Variants in MEF2C observed in about 807,000 individuals in gnomAD.
MEF2C encodes the protein myocyte enhancer factor 2C.
Under a neutral mutation model 50.5 loss-of-function variants are expected in MEF2C, and 6 were observed. The ratio of observed to expected loss-of-function variants is 0.12; its 90% CI spans 0.07 to 0.23. The LOEUF (loss-of-function observed/expected upper bound fraction) is 0.23, where lower values mean the gene tolerates loss of function less well. Ranked by LOEUF, MEF2C falls within the 10% of genes least tolerant of loss-of-function variation. The pLI is 1.00. For synonymous variants in MEF2C, 183 were observed against 228.0 expected (o/e 0.80, Z 1.78); for missense variants, 276 against 605.0 (o/e 0.46, Z 5.70).
chr5:88,839,071 T>A (rs1048008964), intron 1 of MEF2C, among the ~76,000 whole-genome samples: 1 of 152,122 alleles, frequency 6.6e-6, no homozygotes, highest in African/African-American at 2.4e-5. Flanking sequence ...AACATGACAG[T>A]TTTTTCACAA....
rs537262932 is a variant in MEF2C, at chr5:88,890,448, G to A, written c.-239-2850C>T. ...TTATCATGTTCTTGAAACATTTAGC[G>A]GCTACCAAGATGGTAGCTATTTAAA... On this transcript the variant is annotated intron_variant, in intron 1 of 11. Transcript: ENST00000340208. 3.9e-5 allele frequency among the ~76,000 whole-genome samples: 6 copies of A among 152,114 alleles called. No individual in the cohort carries two copies. The East Asian group carries it at 9.7e-4, about 24-fold the overall frequency.
intron 3 of MEF2C, among the ~76,000 whole-genome samples, chr5:88,768,278 T>C (rs563656671): frequency 1.7e-4 from 26 of 152,342 alleles, no homozygotes; most frequent in African/African-American, 6.0e-4. Context: ...TCTGACCTAC[T>C]GTAGTTGCTC....
chr5:88,815,392 C>G (rs244760), intron 2 of MEF2C, among the ~76,000 whole-genome samples: 124,363 of 152,100 alleles, frequency 0.82, 51,416 homozygotes, highest in African/African-American at 0.95. Flanking sequence ...GGCTGTCTCC[C>G]TTATAGTTTC....
At chr5:88,798,063 T>C (rs1796746644) in intron 3 of MEF2C, among the ~76,000 whole-genome samples, 1 of 152,226 alleles carries the variant, frequency 6.6e-6, no homozygotes, top group South Asian at 2.1e-4. Flanking sequence ...CCTTTCTCTC[T>C]GGCTGCCCTT....
At chr5:88,763,331 C>T (rs1778656981) in intron 3 of MEF2C, among the ~76,000 whole-genome samples, 1 of 152,154 alleles carries the variant, frequency 6.6e-6, no homozygotes, top group South Asian at 2.1e-4. Context: ...AGACTTTCTA[C>T]AGTAATACTA....
intron 3 of MEF2C, chr5:88,769,976 G>A (rs1000017293): frequency 1.0e-5 from 10 of 985,322 alleles, no homozygotes; most frequent in Non-Finnish European, 1.2e-5. Flanking sequence ...TGCAAGTTAA[G>A]AAAAGAAAGG....
intron 3 of MEF2C, 139 bp downstream of exon 3, chr5:88,804,459 G>A (rs1306454712): frequency 1.4e-6 from 1 of 700,524 alleles, no homozygotes; most frequent in East Asian, 2.7e-5. Context: ...AGTTGCGATA[G>A]ATAATAATCC....
chr5:88,879,021 C>T (rs1831982217), intron 1 of MEF2C, among the ~76,000 whole-genome samples: 1 of 151,992 alleles, frequency 6.6e-6, no homozygotes. Flanking sequence ...CAAATCCACT[C>T]AGATGAAACA....
intron 1 of MEF2C, chr5:88,838,567 C>T (rs1816073765): frequency 5.1e-6 from 5 of 985,084 alleles, no homozygotes; most frequent in Non-Finnish European, 6.0e-6. Context: ...GAATTCTCAT[C>T]TGAGAATTAC....
chr5:88,798,675 T>C (rs112717645), intron 3 of MEF2C, among the ~76,000 whole-genome samples: 6,165 of 152,234 alleles, frequency 0.04, 139 homozygotes, highest in African/African-American at 0.043. Flanking sequence ...TCCAGTTATG[T>C]TCCCTTGCTG....
intron 3 of MEF2C, among the ~76,000 whole-genome samples, chr5:88,790,544 T>C (rs1793266164): frequency 6.6e-6 from 1 of 152,184 alleles, no homozygotes; most frequent in South Asian, 2.1e-4. Context: ...CAAAATACTG[T>C]ACCTTGGTCT....
At chr5:88,803,968 C>T (rs376430920) in intron 3 of MEF2C, among the ~76,000 whole-genome samples, 1 of 152,098 alleles carries the variant, frequency 6.6e-6, no homozygotes, top group Non-Finnish European at 1.5e-5. Context: ...AAACACTGAG[C>T]TAACATTTAG....
chr5:88,771,587 C>T, intron 3 of MEF2C: 1 of 985,408 alleles, frequency 1.0e-6, no homozygotes, highest in Non-Finnish European at 1.2e-6. Context: ...ATGGGCATCT[C>T]TGGTCCCTAA....
chr5:88,896,875 T>C (rs1835167985), intron 1 of MEF2C, among the ~76,000 whole-genome samples: 2 of 152,084 alleles, frequency 1.3e-5, no homozygotes, highest in Admixed American at 1.3e-4. Context: ...CCTTCCTTCA[T>C]CTTTTCTGCT....
intron 1 of MEF2C, among the ~76,000 whole-genome samples, chr5:88,873,675 C>T (rs1307689628): frequency 7.0e-6 from 1 of 143,056 alleles, no homozygotes; most frequent in African/African-American, 2.6e-5. Context: ...GTATCTTACT[C>T]AGCCTTCTGC....
At chr5:88,897,285 A>T (rs1053722586) in intron 1 of MEF2C, among the ~76,000 whole-genome samples, 1 of 152,206 alleles carries the variant, frequency 6.6e-6, no homozygotes, top group African/African-American at 2.4e-5. Context: ...ATGCATCCAC[A>T]CAGTCTCATC....
intron 3 of MEF2C, among the ~76,000 whole-genome samples, chr5:88,780,314 A>G (rs1787293446): frequency 6.6e-6 from 1 of 152,188 alleles, no homozygotes; most frequent in Admixed American, 6.5e-5. Flanking sequence ...GCCAGACTCC[A>G]GGTGCAGAGT....
chr5:88,771,400 T>C, intron 3 of MEF2C: 8 of 982,016 alleles, frequency 8.1e-6, no homozygotes, highest in Non-Finnish European at 9.7e-6. Flanking sequence ...GACACCCTAT[T>C]ACCTAATGCC....
rs1434704942 is a variant in MEF2C, at chr5:88,751,748, G to A, written c.589+109C>T. The A allele has an allele frequency of 1.0e-5, 13 of 1,267,092 alleles. No individual in the cohort carries two copies. The Admixed American group carries it at 1.7e-4, about 16-fold the overall frequency. The allele number at this position is 1,267,092 out of a possible 1,614,324, so 78.5% of individuals were successfully genotyped here. A position where few individuals can be genotyped will look rare whatever the true frequency, so the allele number is the denominator to read the frequency against. On this transcript the variant is annotated intron_variant, in intron 5 of 10. Transcript: ENST00000504921. The stretch of plus-strand genomic sequence containing the variant: ...CGGGGGTGGATGGTAAGCCATGAAG[G>A]AGAGTAAGTGGAAAACCAGAAAACA...
Sources: allele counts gnomAD v4.1 joint callset (sites outside exome capture counted in the v4.1 genomes callset), GRCh38; gene constraint gnomAD v4.1.1; transcripts MANE v1.5; gene names NCBI Gene and HGNC (gene_info 2026-07-23, HGNC 2026-07-21).